Variants in DLC1 observed in about 807,000 individuals in gnomAD.
DLC1 encodes DLC1 Rho GTPase activating protein.
Under a neutral mutation model 140.3 loss-of-function variants are expected in DLC1, and 54 were observed. The observed-to-expected ratio is 0.38, with a 90% CI of 0.31 to 0.48. The LOEUF (loss-of-function observed/expected upper bound fraction) is 0.48. Among genes scored for constraint, DLC1 ranks in the 20% least tolerant of loss-of-function variants. The probability of loss-of-function intolerance (pLI) is 0.96; values close to 1 mark genes in which losing one functional copy is unlikely to be tolerated. For synonymous variants in DLC1, 986 were observed against 728.1 expected, an observed-to-expected ratio of 1.35 and a Z score of -5.70; for missense variants, 2,536 against 1,907.0, an observed-to-expected ratio of 1.33 and a Z score of -6.14.
intron 5 of DLC1, among the ~76,000 whole-genome samples, chr8:13,290,836 T>A (rs1374684550): frequency 6.6e-6 from 1 of 152,180 alleles, no homozygotes; most frequent in Non-Finnish European, 1.5e-5. Context: ...AGCATTCCTG[T>A]GATGGCACTA....
intron 1 of DLC1, among the ~76,000 whole-genome samples, chr8:13,575,025 C>T (rs141893440): frequency 1.2e-3 from 181 of 152,266 alleles, no homozygotes; most frequent in African/African-American, 4.3e-3. Context: ...CACAAATAGT[C>T]AATTTGAGAA....
chr8:13,260,305 A>G (rs912091462), intron 5 of DLC1, among the ~76,000 whole-genome samples: 2 of 152,218 alleles, frequency 1.3e-5, no homozygotes, highest in Non-Finnish European at 2.9e-5. Flanking sequence ...AGAAGATCCT[A>G]ACTTTAGGTA....
intron 1 of DLC1, among the ~76,000 whole-genome samples, chr8:13,508,722 G>A (rs887950527): frequency 1.3e-5 from 2 of 152,068 alleles, no homozygotes; most frequent in African/African-American, 4.8e-5. Context: ...CCGGCCAGAT[G>A]TAGTAATTTC....
chr8:13,120,356 A>AAAAAAATAT, intron 5 of DLC1, among the ~76,000 whole-genome samples: 1 of 61,124 alleles, frequency 1.6e-5, no homozygotes, highest in African/African-American at 4.2e-5. Flanking sequence ...AAAAAAAAAA[A>AAAAAAATAT]ATATATATAT....
At chr8:13,277,823 T>C (rs1454746685) in intron 5 of DLC1, among the ~76,000 whole-genome samples, 2 of 152,184 alleles carry the variant, frequency 1.3e-5, no homozygotes, top group Non-Finnish European at 2.9e-5. Flanking sequence ...AAAAACACTT[T>C]GTAAATTTCA....
chr8:13,521,943 C>T (rs1802779449), intron 1 of DLC1, among the ~76,000 whole-genome samples: 1 of 152,166 alleles, frequency 6.6e-6, no homozygotes, highest in Non-Finnish European at 1.5e-5. Flanking sequence ...CCACATTCAA[C>T]ATGTGTCATA....
At chr8:13,535,133 A>C (rs965946145) in intron 1 of DLC1, among the ~76,000 whole-genome samples, 9 of 152,226 alleles carry the variant, frequency 5.9e-5, no homozygotes, top group Non-Finnish European at 1.2e-4. Flanking sequence ...TTATTGTATT[A>C]AATTAACAGA....
chr8:13,338,302 G>C (rs1833890888), intron 4 of DLC1, among the ~76,000 whole-genome samples: 1 of 152,054 alleles, frequency 6.6e-6, no homozygotes, highest in Admixed American at 6.5e-5. Flanking sequence ...ACAAAGCCAT[G>C]GTTCGAAAAA....
intron 16 of DLC1, 35 bp from the exon 17 acceptor site, chr8:13,086,498 A>G: frequency 2.5e-6 from 4 of 1,601,640 alleles, no homozygotes; most frequent in Non-Finnish European, 3.4e-6. Context: ...AAATGATGGA[A>G]TTTCATAGAA....
intron 5 of DLC1, among the ~76,000 whole-genome samples, chr8:13,236,150 A>C (rs1431626706): frequency 6.6e-6 from 1 of 152,056 alleles, no homozygotes; most frequent in African/African-American, 2.4e-5. Context: ...GGTAGAATCT[A>C]TTGTAGTTTT....
chr8:13,299,034 T>C (rs1451299997), intron 5 of DLC1, among the ~76,000 whole-genome samples: 1 of 152,178 alleles, frequency 6.6e-6, no homozygotes, highest in Non-Finnish European at 1.5e-5. Flanking sequence ...CAAAGTGATA[T>C]TTTAGTGACT....
intron 2 of DLC1, among the ~76,000 whole-genome samples, chr8:13,463,315 C>T (rs771094173): frequency 6.6e-6 from 1 of 151,934 alleles, no homozygotes; most frequent in Admixed American, 6.6e-5. Flanking sequence ...GAGAATAATA[C>T]TTGGGTGATT....
At chr8:13,577,417 TA>T (rs1038429687) in intron 1 of DLC1, among the ~76,000 whole-genome samples, 12 of 152,204 alleles carry the variant, frequency 7.9e-5, no homozygotes, top group African/African-American at 2.9e-4. Flanking sequence ...TTAGGTAATG[TA>T]TTTTTTGCAG....
intron 1 of DLC1, among the ~76,000 whole-genome samples, chr8:13,590,838 A>G (rs547067750): frequency 1.3e-5 from 2 of 152,274 alleles, no homozygotes; most frequent in Non-Finnish European, 2.9e-5. Context: ...TGTAATTAAA[A>G]ATGCTTCATT....
intron 2 of DLC1, among the ~76,000 whole-genome samples, chr8:13,464,008 T>C (rs1426555906): frequency 6.6e-6 from 1 of 152,152 alleles, no homozygotes; most frequent in African/African-American, 2.4e-5. Flanking sequence ...AGTGAAAAGT[T>C]TTCCCAGAGT....
At chr8:13,511,406 T>C (rs1036380126) in intron 1 of DLC1, among the ~76,000 whole-genome samples, 1 of 152,156 alleles carries the variant, frequency 6.6e-6, no homozygotes, top group African/African-American at 2.4e-5. Context: ...ATTAACAATC[T>C]TTTTTAACTG....
intron 7 of DLC1, among the ~76,000 whole-genome samples, chr8:13,106,812 C>G (rs1219617327): frequency 6.6e-6 from 1 of 152,236 alleles, no homozygotes; most frequent in East Asian, 1.9e-4. Context: ...GTACATACTT[C>G]TTTGCTGTGT....
At chr8:13,189,918 C>A (rs1826647126) in intron 5 of DLC1, among the ~76,000 whole-genome samples, 1 of 151,830 alleles carries the variant, frequency 6.6e-6, no homozygotes, top group Admixed American at 6.6e-5. Flanking sequence ...TTGGCCCTGG[C>A]TTCCCACAAA....
At chr8:13,377,142 C>T (rs774740239) in intron 4 of DLC1, among the ~76,000 whole-genome samples, 4 of 152,122 alleles carry the variant, frequency 2.6e-5, no homozygotes, top group Non-Finnish European at 4.4e-5. Flanking sequence ...AAGGTATCCA[C>T]TCAGTTGTGA....
Sources: gnomAD v4.1 joint callset for allele counts (sites outside exome capture counted in the v4.1 genomes callset) on GRCh38, gnomAD v4.1.1 for gene constraint, MANE v1.5 for transcripts, NCBI Gene and HGNC (gene_info 2026-07-23, HGNC 2026-07-21) for gene names.